SLC44A3: variants seen among roughly 807,000 people sequenced by gnomAD.
The protein encoded by SLC44A3 is solute carrier family 44 member 3.
In SLC44A3, 74 loss-of-function variants were observed where a neutral mutation model predicts 75.4. The observed-to-expected ratio is 0.98, with a 90% CI of 0.81 to 1.19. SLC44A3 has a LOEUF of 1.19. Ranked by LOEUF, SLC44A3 falls within the 50% of genes most tolerant of loss-of-function variation. The pLI, the probability that SLC44A3 is intolerant of heterozygous loss-of-function variation, is 0.00. For synonymous variants in SLC44A3, 310 were observed against 296.9 expected, an observed-to-expected ratio of 1.04 and a Z score of -0.45; for missense variants, 700 against 778.6, an observed-to-expected ratio of 0.90 and a Z score of 1.20.
chr1:94,848,541 C>T (rs750440783), intron 9 of SLC44A3, among the ~76,000 whole-genome samples: 1 of 152,144 alleles, frequency 6.6e-6, no homozygotes, highest in Non-Finnish European at 1.5e-5. Context: ...GCCAGGGGGC[C>T]CCTTGTTGGC....
At chr1:94,848,121 C>T (rs866303290) in intron 9 of SLC44A3, among the ~76,000 whole-genome samples, 46 of 151,550 alleles carry the variant, frequency 3.0e-4, no homozygotes, top group South Asian at 2.1e-3. Flanking sequence ...CCCAGCTACT[C>T]GGGAGGCTGA....
intron 12 of SLC44A3, among the ~76,000 whole-genome samples, chr1:94,874,946 A>G (rs1298136551): frequency 2.0e-5 from 3 of 152,232 alleles, no homozygotes; most frequent in Non-Finnish European, 4.4e-5. Context: ...GATTAAAAAT[A>G]TCACCTTGAA....
At chr1:94,831,228 G>A (rs962064351) in intron 5 of SLC44A3, among the ~76,000 whole-genome samples, 2 of 152,268 alleles carry the variant, frequency 1.3e-5, no homozygotes, top group South Asian at 4.1e-4. Flanking sequence ...AACTTTTCAA[G>A]TAAAGACAAA....
At chr1:94,850,441 A>T (rs1665068540) in intron 9 of SLC44A3, among the ~76,000 whole-genome samples, 1 of 152,192 alleles carries the variant, frequency 6.6e-6, no homozygotes, top group South Asian at 2.1e-4. Flanking sequence ...GAAGAGAACC[A>T]TATTGGATTT....
At chr1:94,851,095 T>C (rs1455815881) in intron 9 of SLC44A3, among the ~76,000 whole-genome samples, 3 of 151,906 alleles carry the variant, frequency 2.0e-5, no homozygotes, top group Non-Finnish European at 4.4e-5. Flanking sequence ...TCCTCTAGAA[T>C]CCCCTCCCCT....
Position 94,880,417 on chromosome 1 carries a change from T to C in SLC44A3, c.1483-10713T>C, listed in dbSNP as rs1479385812. Among the ~76,000 whole-genome samples the C allele has an allele frequency of 3.3e-5, 5 of 152,336 alleles. No homozygotes were observed. The South Asian group carries it at 1.0e-3, about 32-fold the overall frequency. ...ACATAGATGAACCCCAAGGACATTA[T>C]GCTGAAGTATATAAGCCAGTCACAA... On this transcript the variant is annotated intron_variant, in intron 12 of 14. Transcript: ENST00000271227.
intron 8 of SLC44A3, chr1:94,843,270 G>C (rs1663907780): frequency 6.6e-6 from 1 of 152,350 alleles, no homozygotes; most frequent in Non-Finnish European, 1.5e-5. Flanking sequence ...GTTTTCACCT[G>C]GGTCCATGAG....
At chr1:94,871,037 G>C (rs763373054) in intron 12 of SLC44A3, among the ~76,000 whole-genome samples, 1 of 152,180 alleles carries the variant, frequency 6.6e-6, no homozygotes, top group Non-Finnish European at 1.5e-5. Flanking sequence ...TTGAGGCTTA[G>C]AGGAGGCACA....
intron 12 of SLC44A3, among the ~76,000 whole-genome samples, chr1:94,877,246 C>T (rs1668393020): frequency 6.6e-6 from 1 of 152,020 alleles, no homozygotes; most frequent in Non-Finnish European, 1.5e-5. Context: ...GAAACCTGCA[C>T]ACTCGCCTGC....
At chr1:94,854,613 A>G (rs901038530) in intron 9 of SLC44A3, among the ~76,000 whole-genome samples, 3 of 152,166 alleles carry the variant, frequency 2.0e-5, no homozygotes, top group African/African-American at 7.2e-5. Context: ...TACCCCACCC[A>G]CAGGCTCTGC....
intron 9 of SLC44A3, among the ~76,000 whole-genome samples, chr1:94,846,738 G>A (rs548971334): frequency 3.3e-5 from 5 of 152,350 alleles, no homozygotes; most frequent in African/African-American, 1.2e-4. Flanking sequence ...AAGAGTAAGT[G>A]GCTTCCTGAT....
chr1:94,891,011 T>C, intron 12 of SLC44A3, 119 bp from the exon 13 acceptor site: 2 of 754,306 alleles, frequency 2.7e-6, no homozygotes. Flanking sequence ...ATGGTATTTG[T>C]TATGGGTAGA....
At chr1:94,825,355 GAC>G (rs113755765) in intron 3 of SLC44A3, among the ~76,000 whole-genome samples, 2 of 152,104 alleles carry the variant, frequency 1.3e-5, no homozygotes, top group Non-Finnish European at 2.9e-5. Flanking sequence ...TTTTGAGACA[GAC>G]TCTCATTCTG....
intron 3 of SLC44A3, 74 bp from the exon 4 acceptor site, chr1:94,827,433 T>C (rs906511465): frequency 3.4e-5 from 54 of 1,579,334 alleles, no homozygotes; most frequent in Non-Finnish European, 4.6e-5. Context: ...CATGTGGATA[T>C]TTTTTAAGGC....
At chr1:94,848,660 A>T (rs1263432939) in intron 9 of SLC44A3, among the ~76,000 whole-genome samples, 1 of 152,128 alleles carries the variant, frequency 6.6e-6, no homozygotes, top group East Asian at 1.9e-4. Context: ...TGTGGGGATG[A>T]GGCGCTGAGC....
chr1:94,876,162 G>A (rs1346817595), intron 12 of SLC44A3, among the ~76,000 whole-genome samples: 2 of 152,220 alleles, frequency 1.3e-5, no homozygotes, highest in Non-Finnish European at 2.9e-5. Flanking sequence ...GGGCTAGAGT[G>A]GGGAGGTGCC....
At chr1:94,883,514 C>G (rs1571447294) in intron 12 of SLC44A3, among the ~76,000 whole-genome samples, 1 of 152,028 alleles carries the variant, frequency 6.6e-6, no homozygotes, top group East Asian at 1.9e-4. Flanking sequence ...TCAAACAAAG[C>G]AAACAAACAA....
intron 7 of SLC44A3, among the ~76,000 whole-genome samples, chr1:94,840,498 C>T (rs1289237374): frequency 6.6e-6 from 1 of 151,986 alleles, no homozygotes; most frequent in Admixed American, 6.6e-5. Context: ...CCATGTTGCC[C>T]AGTCTGGTCT....
At chr1:94,858,375 C>A (rs1666160002) in intron 10 of SLC44A3, among the ~76,000 whole-genome samples, 1 of 152,082 alleles carries the variant, frequency 6.6e-6, no homozygotes, top group South Asian at 2.1e-4. Context: ...GCTTATATCC[C>A]TATCACATCA....
Sources: allele counts gnomAD v4.1 joint callset (sites outside exome capture counted in the v4.1 genomes callset), GRCh38; gene constraint gnomAD v4.1.1; transcripts MANE v1.5; gene names NCBI Gene and HGNC (gene_info 2026-07-23, HGNC 2026-07-21).